PIEZO1: variants seen among roughly 807,000 people sequenced by gnomAD.
The protein encoded by PIEZO1 is piezo type mechanosensitive ion channel component 1 (Er blood group), also known as piezo-type mechanosensitive ion channel component 1.
PIEZO1 carries 296 observed loss-of-function variants against 297.2 expected under a neutral mutation model. The observed-to-expected ratio is 1.00, with a 90% CI of 0.91 to 1.10. The LOEUF (loss-of-function observed/expected upper bound fraction) is 1.10, where lower values mean the gene tolerates loss of function less well. PIEZO1 is among the 50% of genes least tolerant of loss of function. PIEZO1 has a pLI of 0.00. For missense variants in PIEZO1, 5,018 were observed against 3,455.5 expected, an observed-to-expected ratio of 1.45 and a Z score of -11.34; for synonymous variants, 2,427 against 1,507.5, an observed-to-expected ratio of 1.61 and a Z score of -14.13.
At position 88,715,744 on chromosome 16, in the gene PIEZO1, C is replaced by G. The variant is rs565924717; in HGVS notation, c.7427G>C (p.Arg2476Pro). 25 of 1,550,340 alleles carry G rather than the reference C, an allele frequency of 1.6e-5. No individual in the cohort carries two copies. The highest frequency in any genetic ancestry group is 1.9e-5 in the Non-Finnish European group (22 of 1,146,998). Residue 2476 changes from arginine (R) to proline (P), a missense_variant, in exon 51 of 51, where the codon CGC becomes CCC. By Grantham distance (103) the Arg-to-Pro change is moderately radical. Transcript: ENST00000301015. ...GATGTCCTGGCAGAGCTTGAGGATG[C>G]GGTCCACGCACGGCAGCTCCTCGAA... ...IMFEELPCVDRILKLCQDIFL... is the reference protein window; with the variant it reads ...IMFEELPCVDPILKLCQDIFL...
In PIEZO1 at chr16:88,734,723, T is replaced by G; in HGVS notation, c.1924A>C (p.Ile642Leu). 2 of 1,550,320 alleles carry G rather than the reference T, an allele frequency of 1.3e-6. No homozygotes were observed. The highest frequency in any genetic ancestry group is 1.7e-4 in the Middle Eastern group (1 of 5,992). ...TGGAACTGGAAGGTGTAGACGGCGA[T>G]GAGGACCAGCATGGTGTAGGCCACC... ...LVVAYTMLVLIAVYTFQFQDF... is the reference protein window; with the variant it reads ...LVVAYTMLVLLAVYTFQFQDF... The change falls in exon 15 of 51, where the codon ATC (isoleucine) becomes CTC (leucine). Residue 642 changes from isoleucine to leucine, a missense_variant. Transcript: ENST00000301015.
At chr16:88,734,205 C>T (rs1291957317) in intron 16 of PIEZO1, 151 bp from the exon 17 acceptor site, 5 of 1,173,752 alleles carry the variant, frequency 4.3e-6, no homozygotes, top group Non-Finnish European at 4.7e-6. Flanking sequence ...TCCCTGTGAC[C>T]TCCACGCTAC....
chr16:88,722,860 G>C lies in PIEZO1; in HGVS notation c.4645C>G (p.Leu1549Val), dbSNP rs1029001837. 1 of 1,547,486 alleles carries C rather than the reference G, an allele frequency of 6.5e-7. No individual in the cohort carries two copies. Among genetic ancestry groups the C allele is most frequent in the African/African-American group, 1.4e-5 (1 of 73,022 alleles). The change falls in exon 34 of 51, where the codon CTC becomes GTC. Residue 1549 changes from leucine (L) to valine (V), a missense_variant. Leu to Val is a conservative substitution (Grantham distance 32). Coordinates refer to ENST00000301015, the MANE Select transcript of PIEZO1 (RefSeq NM_001142864.4). ...ACCTGCAGGAGCTCCTGTGTGAGGA[G>C]GTAGCGCTCTGCCCGCAGCACGTCG... ...MSDVLRAERY[L>V]LTQELLQGGE...
chr16:88,783,053 G>A (rs1203369946), intron 1 of PIEZO1, among the ~76,000 whole-genome samples: 2 of 152,242 alleles, frequency 1.3e-5, no homozygotes, highest in African/African-American at 2.4e-5. Context: ...CAGACAGACA[G>A]TCAGTCATCA....
chr16:88,763,710 C>T (rs920324742), intron 1 of PIEZO1, among the ~76,000 whole-genome samples: 2 of 152,130 alleles, frequency 1.3e-5, no homozygotes, highest in Admixed American at 1.3e-4. Context: ...TTCCAGAGGC[C>T]GCATGGACCA....
In PIEZO1 at chr16:88,720,049, G is replaced by A. The variant is rs560768115; in HGVS notation, c.6164+20C>T. 280 of 1,549,626 alleles carry A rather than the reference G, an allele frequency of 1.8e-4. No homozygotes were observed. The highest frequency in any genetic ancestry group is 2.7e-4 in the East Asian group (11 of 40,918). ...ACTGCCCCGCCCCTGGAGACCGAGCGCCCCCACGCGTGGGCCCACCTCTCA... is the reference window on the plus strand; with the variant it reads ...ACTGCCCCGCCCCTGGAGACCGAGCACCCCCACGCGTGGGCCCACCTCTCA... On this transcript the variant is annotated intron_variant, in intron 42 of 50. Coordinates refer to ENST00000301015, the MANE Select transcript of PIEZO1 (RefSeq NM_001142864.4).
chr16:88,723,365 G>A (rs933412048), intron 31 of PIEZO1, 37 bp from the exon 32 acceptor site: 24 of 1,534,888 alleles, frequency 1.6e-5, no homozygotes, highest in East Asian at 7.3e-5. Flanking sequence ...CCGGCCTCCC[G>A]AGCCATCAGA....
chr16:88,768,665 T>C (rs1907287454), intron 1 of PIEZO1, among the ~76,000 whole-genome samples: 1 of 152,186 alleles, frequency 6.6e-6, no homozygotes, highest in Non-Finnish European at 1.5e-5. Flanking sequence ...CAGCCGCTCC[T>C]CCCTTCTCCC....
chr16:88,723,312 C>G lies in PIEZO1; in HGVS notation c.4352G>C (p.Trp1451Ser). The change falls in exon 32 of 51, where the codon TGG (tryptophan) becomes TCG (serine). Residue 1451 changes from tryptophan to serine, a missense_variant. Trp to Ser is a radical substitution (Grantham distance 177). Coordinates refer to ENST00000301015, the MANE Select transcript of PIEZO1 (RefSeq NM_001142864.4). ...CAGCACCGCCTGGGCGTTGGTCACC[C>G]ATGCCTGGTACGCCAGCTGTCGGCC... ...QSAFQLAYQAWVTNAQAVLRR... is the reference protein window; with the variant it reads ...QSAFQLAYQASVTNAQAVLRR... The G allele has an allele frequency of 6.5e-7, 1 of 1,539,042 alleles. No individual in the cohort carries two copies. Among genetic ancestry groups the G allele is most frequent in the Non-Finnish European group, 8.7e-7 (1 of 1,146,740 alleles).
chr16:88,738,151 G>A (rs546838683), intron 7 of PIEZO1, 46 bp from the exon 8 acceptor site: 2 of 1,533,516 alleles, frequency 1.3e-6, no homozygotes, highest in Non-Finnish European at 1.7e-6. Context: ...AGAGGCAGTG[G>A]GGCCACAGGG....
intron 1 of PIEZO1, among the ~76,000 whole-genome samples, chr16:88,779,667 T>G (rs1907836983): frequency 6.6e-6 from 1 of 152,184 alleles, no homozygotes; most frequent in Non-Finnish European, 1.5e-5. Context: ...CAGACACCCC[T>G]GGGGACGCGC....
In PIEZO1 at chr16:88,734,793, G is replaced by A. The variant is rs955657316; in HGVS notation, c.1854C>T (p.Tyr618=). ...FLLCLTLFQV[Y]YSLWRKLLKA... is the part of the protein sequence containing the mutation. The stretch of plus-strand genomic sequence containing the variant: ...TGAGCAGCTTCCGCCACAGGCTGTA[G>A]TAGACCTGCCGGGTGAGGTGGGGGT... Residue 618 remains tyrosine, a synonymous_variant, in exon 15 of 51, where the codon TAC becomes TAT. Coordinates refer to ENST00000301015, the MANE Select transcript of PIEZO1 (RefSeq NM_001142864.4). The A allele has an allele frequency of 1.3e-5, 20 of 1,550,198 alleles. No individual in the cohort carries two copies. In the East Asian group the frequency reaches 4.2e-4, roughly 32 times the overall value.
intron 21 of PIEZO1, among the ~76,000 whole-genome samples, chr16:88,732,117 G>A (rs1037681334): frequency 8.6e-5 from 13 of 151,930 alleles, no homozygotes; most frequent in African/African-American, 2.9e-4. Flanking sequence ...CAGGAGGTGG[G>A]CTGTACAGTA....
At position 88,784,360 on chromosome 16, in the gene PIEZO1, T is replaced by C. The variant is rs542451151; in HGVS notation, c.64+541A>G. Among the ~76,000 whole-genome samples, 8 of 152,144 alleles carry C rather than the reference T, an allele frequency of 5.3e-5. No homozygotes were observed. In the South Asian group the frequency reaches 1.2e-3, roughly 24 times the overall value. On this transcript the variant is annotated intron_variant, in intron 1 of 50. Coordinates refer to ENST00000301015, the MANE Select transcript of PIEZO1 (RefSeq NM_001142864.4). ...ACCGCCTCAGTCCGGCAGAGGGGGG[T>C]GCAGCGGTGAGCGGGGCTGGGCCCT...
At chr16:88,719,219 A>C in intron 44 of PIEZO1, 1 of 269,684 alleles carries the variant, frequency 3.7e-6, no homozygotes, top group Non-Finnish European at 7.3e-6. Context: ...CCTGAGTTGT[A>C]CTTTTTACGT....
At chr16:88,760,002 C>A (rs959278996) in intron 1 of PIEZO1, among the ~76,000 whole-genome samples, 1 of 152,012 alleles carries the variant, frequency 6.6e-6, no homozygotes, top group Admixed American at 6.6e-5. Context: ...AAAACCCCAG[C>A]TGCTTCACTC....
In PIEZO1 at chr16:88,738,250, G is replaced by A. The variant is rs1453210455; in HGVS notation, c.825C>T (p.Leu275=). 2.6e-6 allele frequency: 4 copies of A among 1,535,862 alleles called. No homozygotes were observed. Among genetic ancestry groups the A allele is most frequent in the South Asian group, 1.2e-5 (1 of 84,056 alleles). Reference sequence around the variant, plus strand: ...ACCTAGCCCAGATGCCGGCAGGCGGGAGCAGAGCCTGTGCCAAGGGCATCT... The same window carrying A: ...ACCTAGCCCAGATGCCGGCAGGCGGAAGCAGAGCCTGTGCCAAGGGCATCT... ...CYQMPLAQAL[L]PPAGIWARVL... is the part of the protein sequence containing the mutation. Residue 275 remains leucine, a synonymous_variant, in exon 7 of 51, where the codon CTC becomes CTT. Transcript: ENST00000301015.
intron 1 of PIEZO1, among the ~76,000 whole-genome samples, chr16:88,757,316 T>G (rs893078983): frequency 2.6e-3 from 10 of 3,810 alleles, no homozygotes; most frequent in Middle Eastern, 0.083. Flanking sequence ...GGGGCGTTGC[T>G]GGCGGGGGGG....
chr16:88,718,711 T>C (rs1912220300), intron 44 of PIEZO1: 1 of 152,056 alleles, frequency 6.6e-6, no homozygotes, highest in African/African-American at 2.4e-5. Context: ...CTGGGTTTCT[T>C]CTTTTTACTT....
Sources: gnomAD v4.1 joint callset for allele counts (sites outside exome capture counted in the v4.1 genomes callset) on GRCh38, gnomAD v4.1.1 for gene constraint, MANE v1.5 for transcripts, NCBI Gene and HGNC (gene_info 2026-07-23, HGNC 2026-07-21) for gene names.